The following STAT5B variants were observed in gnomAD, a reference collection of about 807,000 sequenced individuals.
STAT5B encodes signal transducer and activator of transcription 5B, also known as transcription factor STAT5B.
In STAT5B, 21 loss-of-function variants were observed where a neutral mutation model predicts 107.8. The ratio of observed to expected loss-of-function variants is 0.19; its 90% CI spans 0.14 to 0.28. The LOEUF (loss-of-function observed/expected upper bound fraction) is 0.28, where lower values mean the gene tolerates loss of function less well. Ranked by LOEUF, STAT5B falls within the 10% of genes least tolerant of loss-of-function variation. The pLI, the probability that STAT5B is intolerant of heterozygous loss-of-function variation, is 1.00. For synonymous variants in STAT5B, 325 were observed against 401.7 expected (o/e 0.81, Z 2.28); for missense variants, 565 against 1,008.2 (o/e 0.56, Z 5.95).
intron 3 of STAT5B, among the ~76,000 whole-genome samples, chr17:42,227,136 A>AAATAAATAAAT (rs2080280084): frequency 1.5e-5 from 2 of 132,222 alleles, no homozygotes; most frequent in African/African-American, 5.7e-5. Flanking sequence ...CTCCGTCTCA[A>AAATAAATAAAT]AAATAAATAA....
intron 8 of STAT5B, 103 bp from the exon 9 acceptor site, chr17:42,218,433 G>A (rs1276382181): frequency 6.5e-7 from 1 of 1,527,048 alleles, no homozygotes; most frequent in Non-Finnish European, 8.8e-7. Flanking sequence ...GAGGGGCTCA[G>A]GAGGTGAAGA....
At chr17:42,228,649 C>T (rs1055165468) in intron 2 of STAT5B, among the ~76,000 whole-genome samples, 3 of 152,084 alleles carry the variant, frequency 2.0e-5, no homozygotes, top group African/African-American at 7.2e-5. Context: ...ACAGTGAGAC[C>T]GGCCGGGCGT....
In STAT5B at chr17:42,217,154, C is replaced by T. The variant is rs760524219; in HGVS notation, c.1380+6G>A. On this transcript the variant is annotated splice_donor_region_variant and intron_variant, in intron 11 of 18. Transcript: ENST00000293328. ...ACGCACACGCAGAGCTGAGGGAAGG[C>T]TTTACCTTGACTTGAAAAACCAGCT... 17 of 1,610,264 alleles carry T rather than the reference C, an allele frequency of 1.1e-5. No individual in the cohort carries two copies. The highest frequency in any genetic ancestry group is 8.5e-7 in the Non-Finnish European group (1 of 1,178,294).
intron 13 of STAT5B, 87 bp downstream of exon 13, chr17:42,211,897 A>G: frequency 6.5e-7 from 1 of 1,540,822 alleles, no homozygotes; most frequent in South Asian, 1.2e-5. Flanking sequence ...AGAGACATGA[A>G]GAATAAGGGC....
chr17:42,270,403 T>C (rs1046494773), intron 1 of STAT5B: 23 of 152,234 alleles, frequency 1.5e-4, no homozygotes, highest in African/African-American at 5.3e-4. Flanking sequence ...ACCCACTACA[T>C]TGGCACAAAT....
chr17:42,218,345 G>A lies in STAT5B; in HGVS notation c.990-15C>T. On this transcript the variant is annotated splice_polypyrimidine_tract_variant and intron_variant, in intron 8 of 18. Coordinates refer to ENST00000293328, the MANE Select transcript of STAT5B (RefSeq NM_012448.4). Reference sequence around the variant, plus strand: ...TGATGAACGTGCTGCAGGGGACACAGGGACAGATGCATGATGAGGGGCTGG... The same window carrying A: ...TGATGAACGTGCTGCAGGGGACACAAGGACAGATGCATGATGAGGGGCTGG... 1 of 1,611,350 alleles carries A rather than the reference G, an allele frequency of 6.2e-7. No individual in the cohort carries two copies. The highest frequency in any genetic ancestry group is 8.5e-7 in the Non-Finnish European group (1 of 1,177,932).
chr17:42,218,357 T>C (rs376347173), intron 8 of STAT5B, 27 bp from the exon 9 acceptor site: 1,311 of 1,604,200 alleles, frequency 8.2e-4, no homozygotes, highest in Non-Finnish European at 1.0e-3. Flanking sequence ...GACAGATGCA[T>C]GATGAGGGGC....
At chr17:42,249,365 C>G (rs997446129) in intron 1 of STAT5B, among the ~76,000 whole-genome samples, 4 of 151,934 alleles carry the variant, frequency 2.6e-5, no homozygotes, top group African/African-American at 4.8e-5. Context: ...TGCACTCCAG[C>G]CTGGGCAACA....
chr17:42,226,627 G>C (rs2080274156), intron 3 of STAT5B, among the ~76,000 whole-genome samples: 3 of 151,718 alleles, frequency 2.0e-5, no homozygotes, highest in African/African-American at 7.3e-5. Context: ...GACCAACATG[G>C]AGAAACCCCA....
At chr17:42,279,963 A>C (rs2080788932), upstream of STAT5B, among the ~76,000 whole-genome samples, 1 of 152,134 alleles carries the variant, frequency 6.6e-6, no homozygotes, top group Non-Finnish European at 1.5e-5. Flanking sequence ...CTACCTCAGC[A>C]AAACAGAATG....
rs57573850 is a variant in STAT5B, at chr17:42,201,524, G to GCACACACACA, written c.*204_*213dup. ...GAGAAACACCATAACGTGCAAACAC[G>GCACACACACA]CACACACACACACACACACACACAC... On this transcript the variant is annotated 3_prime_UTR_variant, in exon 19 of 19. Transcript: ENST00000293328. 211 of 617,406 alleles carry GCACACACACA rather than the reference G, an allele frequency of 3.4e-4. 1 individual carries two copies. The highest frequency in any genetic ancestry group is 1.3e-3 in the Admixed American group (54 of 42,454). 38.2% of individuals were successfully genotyped at this position (617,406 alleles called of 1,614,324 possible). A position where few individuals can be genotyped will look rare whatever the true frequency, so the allele number is the denominator to read the frequency against.
intron 1 of STAT5B, among the ~76,000 whole-genome samples, chr17:42,243,686 T>C (rs1336102676): frequency 3.9e-5 from 6 of 152,156 alleles, no homozygotes; most frequent in Non-Finnish European, 8.8e-5. Context: ...GTACACTTTT[T>C]TCAAAATCAA....
chr17:42,284,213 C>T, the STAT5B span, among the ~76,000 whole-genome samples: 15 of 152,012 alleles, frequency 9.9e-5, no homozygotes, highest in African/African-American at 3.6e-4. Flanking sequence ...CAGACCTGAT[C>T]GTCAAGGGCA....
intron 1 of STAT5B, among the ~76,000 whole-genome samples, chr17:42,250,999 T>C (rs2080494811): frequency 1.3e-5 from 2 of 151,678 alleles, no homozygotes; most frequent in South Asian, 4.1e-4. Context: ...TTAACTCCTT[T>C]ATAACACGAG....
At chr17:42,239,246 C>CAA (rs770177992) in intron 1 of STAT5B, among the ~76,000 whole-genome samples, 4,125 of 52,276 alleles carry the variant, frequency 0.079, 383 homozygotes, top group African/African-American at 0.22. Flanking sequence ...GACTCTGTCT[C>CAA]AAAAAAAAAA....
chr17:42,202,846 G>C, intron 16 of STAT5B, 38 bp from the exon 17 acceptor site: 1 of 1,613,630 alleles, frequency 6.2e-7, no homozygotes, highest in Non-Finnish European at 8.5e-7. Flanking sequence ...AAGTTCTCAA[G>C]TGAAACAAAA....
rs886782508 is a variant in STAT5B at position 42,210,576 on chromosome 17, T to C, written c.1681-79A>G. ...TTATACACATATTTAATTGGAAAAATTAAATGGGAAACAAACATCTACCCT... is the reference window on the plus strand; with the variant it reads ...TTATACACATATTTAATTGGAAAAACTAAATGGGAAACAAACATCTACCCT... On this transcript the variant is annotated intron_variant, in intron 13 of 18. Coordinates refer to ENST00000293328, the MANE Select transcript of STAT5B (RefSeq NM_012448.4). 31 of 1,325,774 alleles carry C rather than the reference T, an allele frequency of 2.3e-5. No homozygotes were observed. In the African/African-American group the frequency reaches 3.6e-4, roughly 16 times the overall value. The allele number at this position is 1,325,774 out of a possible 1,614,324, so 82.1% of individuals were successfully genotyped here. A position where few individuals can be genotyped will look rare whatever the true frequency, so the allele number is the denominator to read the frequency against.
chr17:42,238,195 G>A (rs1598319123), intron 1 of STAT5B, among the ~76,000 whole-genome samples: 2 of 151,994 alleles, frequency 1.3e-5, no homozygotes, highest in East Asian at 3.9e-4. Flanking sequence ...GTGCAGTGGT[G>A]TGATCATGGT....
intron 1 of STAT5B, among the ~76,000 whole-genome samples, chr17:42,235,950 T>G (rs1430182081): frequency 6.6e-6 from 1 of 152,238 alleles, no homozygotes; most frequent in East Asian, 1.9e-4. Context: ...AATACTGTGG[T>G]GATATACTAT....
Sources: gnomAD v4.1 joint callset for allele counts (sites outside exome capture counted in the v4.1 genomes callset) on GRCh38, gnomAD v4.1.1 for gene constraint, MANE v1.5 for transcripts, NCBI Gene and HGNC (gene_info 2026-07-23, HGNC 2026-07-21) for gene names.